The following CHKA variants were observed in gnomAD, a reference collection of about 807,000 sequenced individuals.
CHKA encodes choline kinase alpha.
Under a neutral mutation model 60.1 loss-of-function variants are expected in CHKA, and 34 were observed. That is an observed-to-expected ratio of 0.57 (90% CI 0.43 to 0.75). The LOEUF (loss-of-function observed/expected upper bound fraction) is 0.75, where lower values mean the gene tolerates loss of function less well. Ranked by LOEUF, CHKA falls within the 30% of genes least tolerant of loss-of-function variation. The pLI is 0.00. For missense variants in CHKA, 563 were observed against 561.3 expected (o/e 1.00, Z -0.03); for synonymous variants, 217 against 223.1 (o/e 0.97, Z 0.24).
Position 68,106,078 on chromosome 11 carries a change from G to GA in CHKA, c.351-8949dup, listed in dbSNP as rs1468178848. On this transcript the variant is annotated intron_variant, in intron 1 of 11. Transcript: ENST00000265689. ...TGAATTTAGAGCACAAGGAAAATAA[G>GA]AAAAAAAAGCAGATTTTTGAAAAAT... Among the ~76,000 whole-genome samples the GA allele has an allele frequency of 4.6e-5, 7 of 151,850 alleles. No homozygotes were observed. In the South Asian group the frequency reaches 1.0e-3, roughly 23 times the overall value.
At chr11:68,090,825 G>A (rs1857327800) in intron 2 of CHKA, among the ~76,000 whole-genome samples, 2 of 152,164 alleles carry the variant, frequency 1.3e-5, no homozygotes, top group African/African-American at 2.4e-5. Flanking sequence ...TCATGCCTGT[G>A]AGACCGCTCA....
At chr11:68,071,880 G>A (rs1164476833) in intron 4 of CHKA, among the ~76,000 whole-genome samples, 1 of 152,168 alleles carries the variant, frequency 6.6e-6, no homozygotes, top group Non-Finnish European at 1.5e-5. Flanking sequence ...CTGCTACTGA[G>A]AGCTAAGAGC....
At chr11:68,080,187 T>C (rs931020076) in intron 3 of CHKA, among the ~76,000 whole-genome samples, 4 of 152,126 alleles carry the variant, frequency 2.6e-5, no homozygotes, top group African/African-American at 9.7e-5. Context: ...ACCCAAGGAC[T>C]TCCCAGTCAC....
intron 8 of CHKA, 26 bp downstream of exon 8, chr11:68,066,403 G>A (rs1039218354): frequency 7.3e-6 from 11 of 1,509,950 alleles, no homozygotes; most frequent in Non-Finnish European, 1.0e-5. Flanking sequence ...ATATTGAGAT[G>A]GAAACACTGG....
At position 68,121,043 on chromosome 11, in the gene CHKA, G is replaced by C. The variant is rs1322220144; in HGVS notation, c.135C>G (p.Ser45=). 1.3e-5 allele frequency: 15 copies of C among 1,111,284 alleles called. No individual in the cohort carries two copies. Among genetic ancestry groups the C allele is most frequent in the Non-Finnish European group, 1.6e-5 (15 of 911,812 alleles). The allele number at this position is 1,111,284 out of a possible 1,614,324, so 68.8% of individuals were successfully genotyped here. The change falls in exon 1 of 12, where the codon TCC becomes TCG. Residue 45 remains serine, a synonymous_variant. Transcript: ENST00000265689. ...QQRDAASDLE[S]KQLGGQQPPL... ...GCGGCTGTTGGCCGCCCAGCTGCTT[G>C]GACTCGAGGTCGCTGGCGGCGTCGC... is the stretch of plus-strand genomic sequence containing the variant.
intron 3 of CHKA, among the ~76,000 whole-genome samples, chr11:68,079,399 G>A (rs1475338236): frequency 6.6e-6 from 1 of 151,688 alleles, no homozygotes; most frequent in Non-Finnish European, 1.5e-5. Context: ...GCACGATCTC[G>A]GCTCACTGCA....
At position 68,091,126 on chromosome 11, in the gene CHKA, T is replaced by C. The variant is rs571318599; in HGVS notation, c.462+5893A>G. Reference sequence around the variant, plus strand: ...CAGAAAGGAAAAAAATCAAGTTACATTTATAGCTAATTTTATACATTTACG... The same window carrying C: ...CAGAAAGGAAAAAAATCAAGTTACACTTATAGCTAATTTTATACATTTACG... On this transcript the variant is annotated intron_variant, in intron 2 of 11. Transcript: ENST00000265689. 5.7e-4 allele frequency among the ~76,000 whole-genome samples: 87 copies of C among 152,314 alleles called. No individual in the cohort carries two copies. The South Asian group carries it at 0.018, about 31-fold the overall frequency.
intron 3 of CHKA, among the ~76,000 whole-genome samples, chr11:68,077,517 G>C (rs989778873): frequency 6.6e-6 from 1 of 152,140 alleles, no homozygotes; most frequent in African/African-American, 2.4e-5. Flanking sequence ...TCTCAACTTG[G>C]AACAATTTAC....
At chr11:68,075,862 T>G (rs1432718188) in intron 3 of CHKA, among the ~76,000 whole-genome samples, 1 of 152,164 alleles carries the variant, frequency 6.6e-6, no homozygotes, top group African/African-American at 2.4e-5. Flanking sequence ...AGCAGGGCTG[T>G]TTTGAAAAAG....
intron 3 of CHKA, among the ~76,000 whole-genome samples, chr11:68,078,802 A>G (rs1856874267): frequency 6.6e-6 from 1 of 152,252 alleles, no homozygotes; most frequent in African/African-American, 2.4e-5. Flanking sequence ...TACAGGCTGA[A>G]AAAGACTAAA....
At chr11:68,056,376 A>C (rs1856015446) in intron 11 of CHKA, among the ~76,000 whole-genome samples, 1 of 151,916 alleles carries the variant, frequency 6.6e-6, no homozygotes, top group Non-Finnish European at 1.5e-5. Context: ...GGGTCATAAG[A>C]CTCTTATTCC....
intron 5 of CHKA, 68 bp downstream of exon 5, chr11:68,070,656 T>G: frequency 6.5e-7 from 1 of 1,536,450 alleles, no homozygotes; most frequent in Non-Finnish European, 8.9e-7. Context: ...AAACAAATGC[T>G]CACTTATGGT....
In CHKA at chr11:68,111,572, T is replaced by TA. The variant is rs1858143858; in HGVS notation, c.350+9255dup. Among the ~76,000 whole-genome samples, 4 of 151,474 alleles carry TA rather than the reference T, an allele frequency of 2.6e-5. No individual in the cohort carries two copies. The South Asian group carries it at 8.3e-4, about 32-fold the overall frequency. On this transcript the variant is annotated intron_variant, in intron 1 of 11. Coordinates refer to ENST00000265689, the MANE Select transcript of CHKA (RefSeq NM_001277.3). ...CCAGCCAAGACACTATCTCAAAAAA[T>TA]AAAAATAAAAAAGCTACATTAATTA...
chr11:68,073,035 T>A (rs975200183), intron 4 of CHKA, among the ~76,000 whole-genome samples: 1 of 152,132 alleles, frequency 6.6e-6, no homozygotes, highest in Non-Finnish European at 1.5e-5. Context: ...TACAAGAGCA[T>A]AGATAGAACT....
At chr11:68,113,713 A>G (rs1858269073) in intron 1 of CHKA, among the ~76,000 whole-genome samples, 1 of 146,114 alleles carries the variant, frequency 6.8e-6, no homozygotes, top group Admixed American at 6.9e-5. Context: ...AACAAAAAAC[A>G]GCCAGGCGCG....
chr11:68,058,117 C>G (rs1489909121), intron 11 of CHKA, among the ~76,000 whole-genome samples: 1 of 152,158 alleles, frequency 6.6e-6, no homozygotes, highest in Non-Finnish European at 1.5e-5. Context: ...GTTTCCAACT[C>G]CTGGGCTCTA....
At chr11:68,090,407 G>A (rs1857313484) in intron 2 of CHKA, among the ~76,000 whole-genome samples, 1 of 152,168 alleles carries the variant, frequency 6.6e-6, no homozygotes, top group Non-Finnish European at 1.5e-5. Flanking sequence ...ATAGAATTCA[G>A]TTACCAGGGA....
At chr11:68,095,484 C>T (rs1239134075) in intron 2 of CHKA, among the ~76,000 whole-genome samples, 2 of 140,758 alleles carry the variant, frequency 1.4e-5, no homozygotes, top group African/African-American at 2.7e-5. Context: ...CCAAGGTGGA[C>T]GGATCACGAG....
At chr11:68,076,809 C>T (rs1288732744) in intron 3 of CHKA, among the ~76,000 whole-genome samples, 1 of 152,174 alleles carries the variant, frequency 6.6e-6, no homozygotes, top group Admixed American at 6.5e-5. Context: ...GATGTAAGAA[C>T]TTTCCAATTC....
Sources: gnomAD v4.1 joint callset for allele counts (sites outside exome capture counted in the v4.1 genomes callset) on GRCh38, gnomAD v4.1.1 for gene constraint, MANE v1.5 for transcripts, NCBI Gene and HGNC (gene_info 2026-07-23, HGNC 2026-07-21) for gene names.